The following DPYSL2 variants were observed in gnomAD, a reference collection of about 807,000 sequenced individuals.
DPYSL2 encodes dihydropyrimidinase like 2.
DPYSL2 carries 13 observed loss-of-function variants against 69.9 expected under a neutral mutation model. The ratio of observed to expected loss-of-function variants is 0.19; its 90% CI spans 0.12 to 0.30. DPYSL2 has a LOEUF of 0.30. DPYSL2 is among the 10% of genes least tolerant of loss of function. DPYSL2 has a pLI of 1.00. For synonymous variants in DPYSL2, 326 were observed against 359.1 expected (o/e 0.91, Z 1.04); for missense variants, 587 against 918.9 (o/e 0.64, Z 4.67).
chr8:26,578,430 G>A, intron 1 of DPYSL2: 1 of 1,529,890 alleles, frequency 6.5e-7, no homozygotes, highest in Non-Finnish European at 8.7e-7. Flanking sequence ...CGGAGGCGAT[G>A]GTGATGGTGG....
chr8:26,594,340 CTA>C (rs1801810983), intron 3 of DPYSL2, among the ~76,000 whole-genome samples: 1 of 151,916 alleles, frequency 6.6e-6, no homozygotes, highest in African/African-American at 2.4e-5. Flanking sequence ...TTTTTATCAT[CTA>C]TCTCTATCTA....
chr8:26,646,914 C>G (rs1167667250), intron 10 of DPYSL2, among the ~76,000 whole-genome samples: 1 of 151,816 alleles, frequency 6.6e-6, no homozygotes, highest in African/African-American at 2.4e-5. Context: ...GCCTGAGAGG[C>G]CGAGGCTGCA....
intron 1 of DPYSL2, among the ~76,000 whole-genome samples, chr8:26,529,982 C>T (rs951932920): frequency 7.3e-5 from 11 of 151,150 alleles, no homozygotes; most frequent in African/African-American, 2.7e-4. Flanking sequence ...CATGGTGGCC[C>T]GTGCCTGTAA....
intron 1 of DPYSL2, among the ~76,000 whole-genome samples, chr8:26,549,740 C>T (rs1209173385): frequency 6.6e-6 from 1 of 152,134 alleles, no homozygotes; most frequent in Admixed American, 6.5e-5. Flanking sequence ...GAGACCCATA[C>T]AAGCAAGAAG....
Position 26,553,780 on chromosome 8 carries a change from G to A in DPYSL2, c.355-28189G>A, listed in dbSNP as rs527731356. 4.0e-4 allele frequency among the ~76,000 whole-genome samples: 60 copies of A among 151,790 alleles called. 1 individual carries two copies. Among genetic ancestry groups the A allele is most frequent in the African/African-American group, 1.1e-3 (46 of 41,378 alleles). Reference sequence around the variant, plus strand: ...GGGTCGAATGGTAGTTCTATTTTTAGTTCTTTGAGGAATGACCACACTACT... The same window carrying A: ...GGGTCGAATGGTAGTTCTATTTTTAATTCTTTGAGGAATGACCACACTACT... On this transcript the variant is annotated intron_variant, in intron 1 of 13. Coordinates refer to ENST00000521913, the MANE Select transcript of DPYSL2 (RefSeq NM_001197293.3).
chr8:26,633,366 G>T (rs918382749), intron 7 of DPYSL2, among the ~76,000 whole-genome samples: 5 of 152,200 alleles, frequency 3.3e-5, no homozygotes, highest in Non-Finnish European at 7.3e-5. Context: ...TTGCTGATTG[G>T]TGATTCCTCT....
At chr8:26,595,851 A>G (rs1775608370) in intron 3 of DPYSL2, among the ~76,000 whole-genome samples, 1 of 152,216 alleles carries the variant, frequency 6.6e-6, no homozygotes, top group South Asian at 2.1e-4. Flanking sequence ...TGGACCCAGC[A>G]GAACTGAAAG....
chr8:26,639,964 C>G (rs909775199), intron 8 of DPYSL2, among the ~76,000 whole-genome samples: 3 of 152,158 alleles, frequency 2.0e-5, no homozygotes, highest in African/African-American at 7.2e-5. Context: ...AGCACAGTCC[C>G]CAGGCTGTTT....
Position 26,653,517 on chromosome 8 carries a change from C to A in DPYSL2, c.1942+120C>A, listed in dbSNP as rs1803321489. 2.7e-6 allele frequency: 3 copies of A among 1,092,730 alleles called. No individual in the cohort carries two copies. The highest frequency in any genetic ancestry group is 1.6e-5 in the African/African-American group (1 of 63,326). 67.7% of individuals were successfully genotyped at this position (1,092,730 alleles called of 1,614,324 possible). A position where few individuals can be genotyped will look rare whatever the true frequency, so the allele number is the denominator to read the frequency against. On this transcript the variant is annotated intron_variant, in intron 13 of 13. Transcript: ENST00000521913. This position sits in a 1 kb window ranked among gnomAD's most constrained non-coding sequence, Gnocchi z 5.7. ...AAGTGAATGATATTCCCTTTCTCTC[C>A]AACGTGAGAAATACAGTGGACTCAG...
chr8:26,516,414 G>A lies in DPYSL2; in HGVS notation c.354+1735G>A, dbSNP rs58452329. Among the ~76,000 whole-genome samples the A allele has an allele frequency of 0.028, 4,257 of 152,236 alleles. 215 individuals carry two copies. Among genetic ancestry groups the A allele is most frequent in the African/African-American group, 0.096 (3,973 of 41,520 alleles). ...GGCGAGTTGTGCTGGTGATTGTGAT[G>A]TCCTAGAGAAAGCAGAAAAACAACT... On this transcript the variant is annotated intron_variant, in intron 1 of 13. Coordinates refer to ENST00000521913, the MANE Select transcript of DPYSL2 (RefSeq NM_001197293.3). The surrounding 1 kb of genome is among the most constrained non-coding windows in gnomAD (Gnocchi z 4.8).
intron 1 of DPYSL2, among the ~76,000 whole-genome samples, chr8:26,558,084 C>G (rs1471014313): frequency 6.6e-6 from 1 of 152,088 alleles, no homozygotes; most frequent in East Asian, 1.9e-4. Context: ...TGCAATCATA[C>G]TCCTTGGTAT....
Position 26,620,306 on chromosome 8 carries a change from G to A in DPYSL2, c.629-3837G>A, listed in dbSNP as rs891389170. ...GTCTCTTGCTCTGTCACCCAAGCTG[G>A]AGTGCAGTGGTGCAATCTCAGCTCA... On this transcript the variant is annotated intron_variant, in intron 3 of 13. Transcript: ENST00000521913. This position sits in a 1 kb window ranked among gnomAD's most constrained non-coding sequence, Gnocchi z 4.5. 6.6e-6 allele frequency among the ~76,000 whole-genome samples: 1 copy of A among 152,052 alleles called. No individual in the cohort carries two copies. Among genetic ancestry groups the A allele is most frequent in the African/African-American group, 2.4e-5 (1 of 41,394 alleles).
At chr8:26,534,619 T>C (rs1017059719) in intron 1 of DPYSL2, among the ~76,000 whole-genome samples, 1 of 151,964 alleles carries the variant, frequency 6.6e-6, no homozygotes, top group African/African-American at 2.4e-5. Flanking sequence ...CACACTGTAT[T>C]TTTTTATTTT....
chr8:26,630,952 A>G (rs1388878903), intron 7 of DPYSL2, among the ~76,000 whole-genome samples: 1 of 152,194 alleles, frequency 6.6e-6, no homozygotes, highest in Non-Finnish European at 1.5e-5. Flanking sequence ...TACCAGCTGT[A>G]CAAGGAGGTG....
intron 1 of DPYSL2, among the ~76,000 whole-genome samples, chr8:26,579,183 CGGCGGCCGGAG>C (rs934559937): frequency 2.6e-5 from 4 of 152,374 alleles, no homozygotes; most frequent in African/African-American, 9.6e-5. Context: ...ACAATGATCG[CGGCGGCCGGAG>C]GGCTCGGCGC....
chr8:26,610,216 G>A lies in DPYSL2; in HGVS notation c.629-13927G>A, dbSNP rs1050650413. Among the ~76,000 whole-genome samples the A allele has an allele frequency of 4.6e-5, 7 of 152,234 alleles. No homozygotes were observed. The highest frequency in any genetic ancestry group is 1.9e-4 in the East Asian group (1 of 5,200). ...ACATGAAGTCTGTTAATGCGGGATCGTTTGTGTTATCTGCTCTGATAGGTG... is the reference window on the plus strand; with the variant it reads ...ACATGAAGTCTGTTAATGCGGGATCATTTGTGTTATCTGCTCTGATAGGTG... On this transcript the variant is annotated intron_variant, in intron 3 of 13. Transcript: ENST00000521913. This position sits in a 1 kb window ranked among gnomAD's most constrained non-coding sequence, Gnocchi z 4.5.
At position 26,565,878 on chromosome 8, in the gene DPYSL2, G is replaced by A. The variant is rs1283365702; in HGVS notation, c.355-16091G>A. ...TGGGCAATCATCATCCCGTCAGCTT[G>A]GAGAAAAAGCCTGGAGGAGGAAGAG... On this transcript the variant is annotated intron_variant, in intron 1 of 13. Transcript: ENST00000521913. The surrounding 1 kb of genome is among the most constrained non-coding windows in gnomAD (Gnocchi z 4.1). Among the ~76,000 whole-genome samples, 1 of 152,174 alleles carries A rather than the reference G, an allele frequency of 6.6e-6. No individual in the cohort carries two copies. The highest frequency in any genetic ancestry group is 1.5e-5 in the Non-Finnish European group (1 of 68,034).
At chr8:26,566,898 T>A (rs1212396270) in intron 1 of DPYSL2, among the ~76,000 whole-genome samples, 1 of 151,964 alleles carries the variant, frequency 6.6e-6, no homozygotes, top group Non-Finnish European at 1.5e-5. Context: ...TGTCTATCCA[T>A]CTACCTGAGC....
chr8:26,636,409 A>T (rs1174742928), intron 8 of DPYSL2, among the ~76,000 whole-genome samples: 1 of 152,156 alleles, frequency 6.6e-6, no homozygotes, highest in East Asian at 1.9e-4. Context: ...GAGACGGCTT[A>T]TTTTCTGTAT....
Sources: gnomAD v4.1 joint callset for allele counts (sites outside exome capture counted in the v4.1 genomes callset) on GRCh38, gnomAD v4.1.1 for gene constraint, Gnocchi (gnomAD v3.1) non-coding constraint, MANE v1.5 for transcripts, NCBI Gene and HGNC (gene_info 2026-07-23, HGNC 2026-07-21) for gene names.